DMD: variants seen among roughly 807,000 people sequenced by gnomAD.
The protein encoded by DMD is mutant dystrophin.
In DMD, 63 loss-of-function variants were observed where a neutral mutation model predicts 330.1. The observed-to-expected ratio is 0.19, with a 90% CI of 0.16 to 0.24. The LOEUF is 0.24. DMD is among the 10% of genes least tolerant of loss of function. The pLI, the probability that DMD is intolerant of heterozygous loss-of-function variation, is 1.00. For synonymous variants in DMD, 1,223 were observed against 959.8 expected (o/e 1.27, Z -5.07); for missense variants, 3,344 against 2,684.1 (o/e 1.25, Z -5.43).
chrX:31,732,948 T>C (rs1181763945), intron 51 of DMD, among the ~76,000 whole-genome samples: 1 of 111,615 alleles, frequency 9.0e-6, no homozygotes, highest in Non-Finnish European at 1.9e-5. Flanking sequence ...TACCAGTACC[T>C]AAGCATGATA....
chrX:32,169,985 T>TTTAA (rs777295752), intron 44 of DMD, among the ~76,000 whole-genome samples: 2 of 111,710 alleles, frequency 1.8e-5, no homozygotes, highest in African/African-American at 3.3e-5. Flanking sequence ...AGCTAAAGGA[T>TTTAA]TTAATTTTAA....
At chrX:32,355,120 C>T (rs1037845949) in intron 37 of DMD, among the ~76,000 whole-genome samples, 3 of 111,634 alleles carry the variant, frequency 2.7e-5, no homozygotes, top group Non-Finnish European at 3.8e-5. Flanking sequence ...CTCCCTACCA[C>T]CTTTTGTTCT....
At chrX:32,886,614 C>T (rs1285728541) in intron 2 of DMD, among the ~76,000 whole-genome samples, 1 of 109,882 alleles carries the variant, frequency 9.1e-6, no homozygotes. Flanking sequence ...ACCCAGGAGG[C>T]GAAGCTTGCA....
chrX:31,470,674 G>T (rs943010322), intron 59 of DMD, among the ~76,000 whole-genome samples: 1 of 112,210 alleles, frequency 8.9e-6, no homozygotes, highest in Non-Finnish European at 1.9e-5. Flanking sequence ...GAGCTCGAGT[G>T]CTGTGCTGGG....
intron 34 of DMD, among the ~76,000 whole-genome samples, chrX:32,372,932 C>A (rs754368088): frequency 9.1e-6 from 1 of 110,329 alleles, no homozygotes; most frequent in Non-Finnish European, 1.9e-5. Flanking sequence ...GAAACATGGT[C>A]ACAGGGTAAG....
intron 63 of DMD, among the ~76,000 whole-genome samples, chrX:31,242,260 A>T (rs2048383045): frequency 1.3e-5 from 1 of 77,731 alleles, no homozygotes; most frequent in Admixed American, 1.6e-4. Flanking sequence ...TGTCTCAAAA[A>T]GCAAAAAAAA....
At chrX:31,220,227 A>T (rs1448655864) in intron 64 of DMD, among the ~76,000 whole-genome samples, 1 of 111,240 alleles carries the variant, frequency 9.0e-6, no homozygotes, top group African/African-American at 3.3e-5. Context: ...CATTTCCATT[A>T]ACTCCTCAGC....
intron 71 of DMD, among the ~76,000 whole-genome samples, chrX:31,177,408 C>T (rs1344095): frequency 9.0e-6 from 1 of 111,293 alleles, no homozygotes; most frequent in Non-Finnish European, 1.9e-5. Flanking sequence ...ATGGCATAAC[C>T]TGATAAACAG....
chrX:33,016,660 G>T (rs757528663), intron 2 of DMD, among the ~76,000 whole-genome samples: 1 of 111,699 alleles, frequency 9.0e-6, no homozygotes, highest in Non-Finnish European at 1.9e-5. Context: ...AGAAGAGTGA[G>T]TATGGAAATA....
At chrX:32,172,725 T>C (rs2096892136) in intron 44 of DMD, among the ~76,000 whole-genome samples, 2 of 112,144 alleles carry the variant, frequency 1.8e-5, no homozygotes, top group South Asian at 7.3e-4. Flanking sequence ...CCAGAAACCA[T>C]ATGTTATTCA....
chrX:32,051,574 T>C (rs2147523233), intron 44 of DMD, among the ~76,000 whole-genome samples: 1 of 109,769 alleles, frequency 9.1e-6, no homozygotes, highest in South Asian at 3.9e-4. Flanking sequence ...ACACACTAGA[T>C]ATAGGTGAAG....
chrX:32,683,915 G>A (rs934937330), intron 9 of DMD, among the ~76,000 whole-genome samples: 9 of 107,867 alleles, frequency 8.3e-5, no homozygotes, highest in African/African-American at 1.7e-4. Flanking sequence ...AAATTAAGAC[G>A]GTAAAAATAG....
chrX:32,731,105 C>T (rs1283569551), intron 7 of DMD, among the ~76,000 whole-genome samples: 2 of 112,089 alleles, frequency 1.8e-5, no homozygotes, highest in Non-Finnish European at 3.8e-5. Flanking sequence ...TCGGGAAGTG[C>T]AAGGGGTCAG....
intron 2 of DMD, among the ~76,000 whole-genome samples, chrX:32,880,893 G>A (rs1243761884): frequency 8.9e-6 from 1 of 112,592 alleles, no homozygotes; most frequent in Admixed American, 9.3e-5. Flanking sequence ...GCGGTGAGCC[G>A]ATATTGCGCC....
At chrX:32,045,322 C>T (rs1461209541) in intron 44 of DMD, among the ~76,000 whole-genome samples, 2 of 104,376 alleles carry the variant, frequency 1.9e-5, no homozygotes, top group African/African-American at 3.6e-5. Context: ...ATGATAGCAG[C>T]TGAGTTCTTG....
chrX:33,208,570 ATG>A (rs1323004618), intron 1 of DMD, among the ~76,000 whole-genome samples: 1 of 111,365 alleles, frequency 9.0e-6, no homozygotes, highest in African/African-American at 3.2e-5. Flanking sequence ...TTAAAAAATG[ATG>A]TGTGTTTAAA....
chrX:31,557,139 G>A (rs1343634412), intron 55 of DMD, among the ~76,000 whole-genome samples: 1 of 111,876 alleles, frequency 8.9e-6, no homozygotes, highest in Admixed American at 9.5e-5. Flanking sequence ...TGGGAGGATC[G>A]GGAACAGCTC....
chrX:31,390,856 G>T (rs937530341), intron 60 of DMD, among the ~76,000 whole-genome samples: 1 of 111,424 alleles, frequency 9.0e-6, no homozygotes, highest in Admixed American at 9.6e-5. Flanking sequence ...TCACAGGTAC[G>T]TCAGATTATA....
intron 16 of DMD, among the ~76,000 whole-genome samples, chrX:32,563,779 A>G (rs1181476111): frequency 8.9e-6 from 1 of 112,323 alleles, no homozygotes; most frequent in Non-Finnish European, 1.9e-5. Context: ...GTGTATTCCC[A>G]AGAAGCTCTC....
Sources: allele counts gnomAD v4.1 joint callset (sites outside exome capture counted in the v4.1 genomes callset), GRCh38; gene constraint gnomAD v4.1.1; transcripts MANE v1.5; gene names NCBI Gene and HGNC (gene_info 2026-07-23, HGNC 2026-07-21).